PPP1R36: variants seen among roughly 807,000 people sequenced by gnomAD.
The protein encoded by PPP1R36 is chromosome 14 open reading frame 50.
PPP1R36 carries 47 observed loss-of-function variants against 53.4 expected under a neutral mutation model. The observed-to-expected ratio is 0.88, with a 90% confidence interval of 0.70 to 1.12. The LOEUF (loss-of-function observed/expected upper bound fraction) is 1.12. Ranked by LOEUF, PPP1R36 falls within the 50% of genes most tolerant of loss-of-function variation. PPP1R36 has a pLI of 0.00. For synonymous variants in PPP1R36, 153 were observed against 170.5 expected (o/e 0.90, Z 0.80); for missense variants, 456 against 513.9 (o/e 0.89, Z 1.09).
At chr14:64,572,465 G>C (rs1348624081) in intron 7 of PPP1R36, among the ~76,000 whole-genome samples, 1 of 152,164 alleles carries the variant, frequency 6.6e-6, no homozygotes, top group Non-Finnish European at 1.5e-5. Context: ...GGCCACCTCT[G>C]CCTGGAGTTT....
rs1026237390 is a variant in PPP1R36, at chr14:64,565,700, T to C, written c.434+8T>C. 1 of 1,593,520 alleles carries C rather than the reference T, an allele frequency of 6.3e-7. No homozygotes were observed. Among genetic ancestry groups the C allele is most frequent in the African/African-American group, 1.3e-5 (1 of 74,626 alleles). ...TTTTACAACATTTATGAGGTATCTA[T>C]TGCTTATGAGTCATTTTAGATCTTT... On this transcript the variant is annotated splice_region_variant and intron_variant, in intron 6 of 11. Coordinates refer to ENST00000298705, the MANE Select transcript of PPP1R36 (RefSeq NM_172365.3).
At chr14:64,559,197 A>G (rs2080183951) in intron 3 of PPP1R36, among the ~76,000 whole-genome samples, 1 of 152,204 alleles carries the variant, frequency 6.6e-6, no homozygotes, top group Admixed American at 6.5e-5. Flanking sequence ...GAGGTAATGC[A>G]GACAGCTTGG....
At chr14:64,553,926 A>AGATCGG (rs898303431) in intron 3 of PPP1R36, among the ~76,000 whole-genome samples, 3 of 151,826 alleles carry the variant, frequency 2.0e-5, no homozygotes, top group African/African-American at 7.3e-5. Flanking sequence ...TATGAAGAGC[A>AGATCGG]GATCGGGGTG....
intron 7 of PPP1R36, among the ~76,000 whole-genome samples, chr14:64,572,511 T>C (rs746047828): frequency 6.6e-6 from 1 of 152,232 alleles, no homozygotes; most frequent in Non-Finnish European, 1.5e-5. Flanking sequence ...TATTTTTTTT[T>C]CATAGCTTTT....
At chr14:64,550,091 A>C in intron 1 of PPP1R36, 25 bp downstream of exon 1, 1 of 1,548,980 alleles carries the variant, frequency 6.5e-7, no homozygotes, top group Non-Finnish European at 8.7e-7. Flanking sequence ...GGTCGCCCCC[A>C]TACCCGGGCT....
At chr14:64,558,570 C>A (rs2080177219) in intron 3 of PPP1R36, among the ~76,000 whole-genome samples, 3 of 151,948 alleles carry the variant, frequency 2.0e-5, no homozygotes, top group South Asian at 4.2e-4. Flanking sequence ...CAGAGTGAGA[C>A]CCTGCCTCAA....
At chr14:64,587,011 C>A in intron 9 of PPP1R36, 132 bp downstream of exon 9, 1 of 816,904 alleles carries the variant, frequency 1.2e-6, no homozygotes, top group Non-Finnish European at 2.0e-6. Context: ...TATGCTATAC[C>A]TTAAATTGTT....
chr14:64,564,875 G>A, intron 4 of PPP1R36, 38 bp downstream of exon 4: 1 of 1,370,694 alleles, frequency 7.3e-7, no homozygotes, highest in Non-Finnish European at 1.0e-6. Context: ...GTTGCTGATA[G>A]CATCTCTCAG....
chr14:64,576,631 T>C (rs960371351), intron 8 of PPP1R36, among the ~76,000 whole-genome samples: 3 of 152,174 alleles, frequency 2.0e-5, no homozygotes, highest in Admixed American at 6.6e-5. Context: ...TGTCGGCCAT[T>C]TCTCTTCTCT....
chr14:64,554,501 G>A (rs2080130821), intron 3 of PPP1R36, among the ~76,000 whole-genome samples: 1 of 148,240 alleles, frequency 6.7e-6, no homozygotes, highest in African/African-American at 2.6e-5. Flanking sequence ...CAGATAGTTA[G>A]TTCAAACCTA....
At chr14:64,579,827 G>C (rs1326488644) in intron 8 of PPP1R36, among the ~76,000 whole-genome samples, 1 of 152,004 alleles carries the variant, frequency 6.6e-6, no homozygotes, top group African/African-American at 2.4e-5. Context: ...AAAATTAGCC[G>C]GGCGTGGTGG....
At chr14:64,588,524 A>G in intron 11 of PPP1R36, 3 of 413,884 alleles carry the variant, frequency 7.2e-6, no homozygotes, top group Non-Finnish European at 1.3e-5. Context: ...CTAGACTCCA[A>G]ATAGTTCTAG....
chr14:64,585,313 C>T (rs1262111964), intron 8 of PPP1R36, among the ~76,000 whole-genome samples: 5 of 152,000 alleles, frequency 3.3e-5, no homozygotes, highest in African/African-American at 9.7e-5. Flanking sequence ...CTCAGGAGTT[C>T]GAGACCAGCC....
intron 8 of PPP1R36, among the ~76,000 whole-genome samples, chr14:64,582,737 T>C (rs1028726529): frequency 1.3e-5 from 2 of 152,200 alleles, no homozygotes; most frequent in African/African-American, 4.8e-5. Flanking sequence ...CACTTGTTTC[T>C]CTTCACTGTG....
intron 7 of PPP1R36, among the ~76,000 whole-genome samples, chr14:64,572,704 CCA>C (rs1163005005): frequency 6.6e-6 from 1 of 152,098 alleles, no homozygotes; most frequent in East Asian, 1.9e-4. Context: ...GCAAGTATCC[CCA>C]GTGATTCTTT....
chr14:64,578,297 G>T (rs1203825481), intron 8 of PPP1R36, among the ~76,000 whole-genome samples: 1 of 152,112 alleles, frequency 6.6e-6, no homozygotes, highest in African/African-American at 2.4e-5. Context: ...CATCTTTTAT[G>T]CATTCAGCTT....
At chr14:64,551,903 A>G (rs1774700447) in intron 2 of PPP1R36, among the ~76,000 whole-genome samples, 1 of 152,218 alleles carries the variant, frequency 6.6e-6, no homozygotes, top group South Asian at 2.1e-4. Context: ...ATTCAAGCAG[A>G]GGAAGAATAG....
At chr14:64,564,619 ATGAAT>A in intron 3 of PPP1R36, 127 bp from the exon 4 acceptor site, 1 of 560,404 alleles carries the variant, frequency 1.8e-6, no homozygotes, top group Non-Finnish European at 3.1e-6. Flanking sequence ...ATATAAATAG[ATGAAT>A]TGAACACTGC....
intron 3 of PPP1R36, among the ~76,000 whole-genome samples, chr14:64,557,147 T>C (rs1234725323): frequency 6.6e-6 from 1 of 152,176 alleles, no homozygotes; most frequent in African/African-American, 2.4e-5. Flanking sequence ...TAACTTTTTA[T>C]ATTAGAAGAT....
Sources: gnomAD v4.1 joint callset for allele counts (sites outside exome capture counted in the v4.1 genomes callset) on GRCh38, gnomAD v4.1.1 for gene constraint, MANE v1.5 for transcripts, NCBI Gene and HGNC (gene_info 2026-07-23, HGNC 2026-07-21) for gene names.